Variants in UTRN observed in about 807,000 individuals in gnomAD.
UTRN encodes dystrophin-related protein 1.
Under a neutral mutation model 463.9 loss-of-function variants are expected in UTRN, and 283 were observed. The ratio of observed to expected loss-of-function variants is 0.61; its 90% CI spans 0.55 to 0.67. UTRN has a LOEUF of 0.67. UTRN is among the 30% of genes least tolerant of loss of function. The pLI is 0.00. For missense variants in UTRN, 3,922 were observed against 4,084.3 expected (o/e 0.96, Z 1.08); for synonymous variants, 1,442 against 1,431.5 (o/e 1.01, Z -0.17).
chr6:144,516,937 A>G lies in UTRN; in HGVS notation c.5530A>G (p.Asn1844Asp), dbSNP rs756784264. Residue 1844 changes from asparagine (N) to aspartate (D), a missense_variant, in exon 39 of 75, where the codon AAC becomes GAC. Transcript: ENST00000367545. ...ATTATTACTTTTGCATACTAGATAC[A>G]ACAAAATTAAGGTATTATGATTGGA... ...LQLLLLHTRY[N>D]KIKAIPIQQR... 6 of 1,479,828 alleles carry G rather than the reference A, an allele frequency of 4.1e-6. No individual in the cohort carries two copies. Among genetic ancestry groups the G allele is most frequent in the Middle Eastern group, 4.6e-4 (2 of 4,332 alleles). The allele number at this position is 1,479,828 out of a possible 1,614,324, so 91.7% of individuals were successfully genotyped here.
intron 50 of UTRN, among the ~76,000 whole-genome samples, chr6:144,570,601 A>G (rs191760898): frequency 2.3e-4 from 35 of 152,322 alleles, no homozygotes; most frequent in Admixed American, 7.2e-4. Context: ...TTTCATACAA[A>G]GTGAATATTT....
intron 2 of UTRN, among the ~76,000 whole-genome samples, chr6:144,326,259 C>CT (rs1357396401): frequency 4.0e-5 from 6 of 150,110 alleles, no homozygotes; most frequent in Admixed American, 1.3e-4. Context: ...TGTACTGTTA[C>CT]TTTTTTTGGC....
intron 22 of UTRN, 88 bp from the exon 23 acceptor site, chr6:144,462,566 G>A: frequency 7.9e-7 from 1 of 1,262,640 alleles, no homozygotes; most frequent in Non-Finnish European, 1.1e-6. Flanking sequence ...GCATTTTAAA[G>A]TGACTTTTGA....
chr6:144,669,956 G>GGTGTGT lies in UTRN; in HGVS notation c.7480-8421_7480-8416dup, dbSNP rs35769043. 5.5e-3 allele frequency among the ~76,000 whole-genome samples: 820 copies of GGTGTGT among 147,994 alleles called. 3 individuals are homozygous for GGTGTGT. The highest frequency in any genetic ancestry group is 0.016 in the African/African-American group (652 of 40,066). On this transcript the variant is annotated intron_variant, in intron 51 of 74. Coordinates refer to ENST00000367545, the MANE Select transcript of UTRN (RefSeq NM_007124.3). ...CCTGAGTAGTATTGTAGTATTCCAT[G>GGTGTGT]GTGTGTGTGTGTGTGTGTGTGTGTG...
intron 19 of UTRN, among the ~76,000 whole-genome samples, chr6:144,456,174 A>G (rs1788794847): frequency 6.6e-6 from 1 of 152,258 alleles, no homozygotes; most frequent in Non-Finnish European, 1.5e-5. Context: ...TGTGTGTTCC[A>G]GTTCAGTTAG....
intron 47 of UTRN, among the ~76,000 whole-genome samples, chr6:144,550,204 G>T (rs2128611324): frequency 6.6e-6 from 1 of 152,298 alleles, no homozygotes; most frequent in Admixed American, 6.5e-5. Flanking sequence ...TCATTACCAT[G>T]TGCCCTGGGA....
Position 144,440,347 on chromosome 6 carries a change from T to G in UTRN, c.1393-5T>G, listed in dbSNP as rs1787027316. 2.5e-6 allele frequency: 4 copies of G among 1,614,160 alleles called. No homozygotes were observed. The highest frequency in any genetic ancestry group is 2.5e-6 in the Non-Finnish European group (3 of 1,179,994). ...ATAATGGTTTATCTTAATTTTTTTC[T>G]CTAGAGTTTGCAAAGTGATCTTGAG... On this transcript the variant is annotated splice_region_variant and splice_polypyrimidine_tract_variant and intron_variant, in intron 12 of 74. Transcript: ENST00000367545.
chr6:144,386,295 C>T (rs1781415751), intron 2 of UTRN, among the ~76,000 whole-genome samples: 1 of 152,010 alleles, frequency 6.6e-6, no homozygotes, highest in Non-Finnish European at 1.5e-5. Flanking sequence ...AACCTCGTGT[C>T]TACAGAAAAA....
intron 66 of UTRN, among the ~76,000 whole-genome samples, chr6:144,822,078 A>G (rs77451062): frequency 6.6e-6 from 1 of 152,288 alleles, no homozygotes; most frequent in East Asian, 1.9e-4. Flanking sequence ...CTTCAGATTC[A>G]TAGTTCATTT....
chr6:144,772,973 G>A (rs555418636), intron 59 of UTRN, among the ~76,000 whole-genome samples: 2 of 151,084 alleles, frequency 1.3e-5, no homozygotes, highest in African/African-American at 4.8e-5. Flanking sequence ...GGGCTTCTGT[G>A]TGAGTGTTTT....
At chr6:144,300,301 G>T (rs1194301551) in intron 2 of UTRN, among the ~76,000 whole-genome samples, 1 of 152,126 alleles carries the variant, frequency 6.6e-6, no homozygotes, top group Non-Finnish European at 1.5e-5. Context: ...TGTCAGCCAG[G>T]CTGGTCTCGA....
chr6:144,609,467 C>T (rs9497018), intron 51 of UTRN, among the ~76,000 whole-genome samples: 3,773 of 152,234 alleles, frequency 0.025, 160 homozygotes, highest in African/African-American at 0.084. Context: ...TGAAGGGATA[C>T]GTAGACTGCA....
chr6:144,433,810 C>T (rs1313576013), intron 9 of UTRN, among the ~76,000 whole-genome samples: 2 of 151,650 alleles, frequency 1.3e-5, no homozygotes, highest in Admixed American at 1.3e-4. Context: ...GTGCTCCTCA[C>T]TTCCTAGATG....
At chr6:144,384,332 C>A (rs765443132) in intron 2 of UTRN, among the ~76,000 whole-genome samples, 1 of 152,070 alleles carries the variant, frequency 6.6e-6, no homozygotes, top group Non-Finnish European at 1.5e-5. Context: ...AGATCAGCAG[C>A]GGCATTCGAT....
chr6:144,418,218 C>CTT (rs36107882), intron 3 of UTRN, among the ~76,000 whole-genome samples: 5,676 of 139,528 alleles, frequency 0.041, 465 homozygotes, highest in African/African-American at 0.14. Context: ...ATTTATATTT[C>CTT]TTTTTTTTTT....
intron 4 of UTRN, among the ~76,000 whole-genome samples, chr6:144,423,323 C>T (rs960547348): frequency 1.3e-5 from 2 of 152,156 alleles, no homozygotes; most frequent in Non-Finnish European, 2.9e-5. Context: ...GAGATTTCAA[C>T]GTGCATGCAA....
chr6:144,654,849 T>G, intron 51 of UTRN, among the ~76,000 whole-genome samples: 1 of 152,254 alleles, frequency 6.6e-6, no homozygotes, highest in Non-Finnish European at 1.5e-5. Context: ...GAAGGCTGAC[T>G]CCTGCACCTG....
chr6:144,777,071 T>C (rs1463674771), intron 60 of UTRN, among the ~76,000 whole-genome samples: 1 of 152,168 alleles, frequency 6.6e-6, no homozygotes, highest in Admixed American at 6.5e-5. Flanking sequence ...TTCTCCATCA[T>C]GGGATGGATG....
intron 25 of UTRN, among the ~76,000 whole-genome samples, chr6:144,478,815 T>C (rs1193650103): frequency 2.6e-5 from 4 of 152,310 alleles, no homozygotes; most frequent in African/African-American, 9.6e-5. Context: ...GCGCCTTCTC[T>C]CACAGTAGAA....
Sources: gnomAD v4.1 joint callset for allele counts (sites outside exome capture counted in the v4.1 genomes callset) on GRCh38, gnomAD v4.1.1 for gene constraint, MANE v1.5 for transcripts, NCBI Gene and HGNC (gene_info 2026-07-23, HGNC 2026-07-21) for gene names.